The following PCDH15 variants were observed in gnomAD, a reference collection of about 807,000 sequenced individuals.
PCDH15 encodes the protein protocadherin-15.
PCDH15 carries 129 observed loss-of-function variants against 178.5 expected under a neutral mutation model. The observed-to-expected ratio is 0.72, with a 90% CI of 0.63 to 0.84. The LOEUF (loss-of-function observed/expected upper bound fraction) is 0.84. PCDH15 is among the 40% of genes least tolerant of loss of function. The pLI, the probability that PCDH15 is intolerant of heterozygous loss-of-function variation, is 0.00. For missense variants in PCDH15, 2,230 were observed against 2,099.9 expected, an observed-to-expected ratio of 1.06 and a Z score of -1.21; for synonymous variants, 800 against 732.0, an observed-to-expected ratio of 1.09 and a Z score of -1.50.
chr10:55,518,631 T>A (rs1000860364), intron 2 of PCDH15, among the ~76,000 whole-genome samples: 1 of 151,920 alleles, frequency 6.6e-6, no homozygotes, highest in Non-Finnish European at 1.5e-5. Flanking sequence ...TGCCTTTCCC[T>A]TCAGATGCAC....
At chr10:55,595,923 C>T (rs1170135162) in intron 2 of PCDH15, among the ~76,000 whole-genome samples, 8 of 151,952 alleles carry the variant, frequency 5.3e-5, no homozygotes, top group African/African-American at 1.9e-4. Flanking sequence ...CATTTAAGAA[C>T]GTCTAATAAT....
chr10:55,258,322 T>C (rs1305178423), intron 1 of PCDH15, among the ~76,000 whole-genome samples: 1 of 152,184 alleles, frequency 6.6e-6, no homozygotes, highest in Non-Finnish European at 1.5e-5. Context: ...TAGGTAAGTA[T>C]TAATTAACTC....
At chr10:55,442,499 ATG>A (rs1839220408) in intron 2 of PCDH15, among the ~76,000 whole-genome samples, 1 of 130,472 alleles carries the variant, frequency 7.7e-6, no homozygotes, top group African/African-American at 3.0e-5. Flanking sequence ...ATATATATAT[ATG>A]TAAGCTGGGG....
At chr10:55,443,510 C>T (rs374846619) in intron 2 of PCDH15, among the ~76,000 whole-genome samples, 29 of 152,156 alleles carry the variant, frequency 1.9e-4, no homozygotes, top group African/African-American at 2.6e-4. Flanking sequence ...GACATTATTG[C>T]GGCCAAAAAC....
intron 9 of PCDH15, among the ~76,000 whole-genome samples, chr10:54,219,592 CAAA>C (rs763785938): frequency 3.1e-5 from 1 of 32,394 alleles, no homozygotes. Context: ...GACTCCATCT[CAAA>C]AAAAAAAAAA....
At chr10:55,049,292 T>G (rs1478691048) in intron 2 of PCDH15, among the ~76,000 whole-genome samples, 1 of 151,954 alleles carries the variant, frequency 6.6e-6, no homozygotes, top group Non-Finnish European at 1.5e-5. Flanking sequence ...TTTGTGTATG[T>G]CACTTTCTTG....
intron 1 of PCDH15, among the ~76,000 whole-genome samples, chr10:54,797,945 T>G (rs1027972381): frequency 6.6e-6 from 1 of 152,010 alleles, no homozygotes; most frequent in African/African-American, 2.4e-5. Flanking sequence ...AAGGTCAAGC[T>G]AGTCGCTCTC....
At chr10:54,608,131 G>A (rs754190822) in intron 2 of PCDH15, among the ~76,000 whole-genome samples, 5 of 151,608 alleles carry the variant, frequency 3.3e-5, no homozygotes, top group South Asian at 2.1e-4. Flanking sequence ...GGGGATTTCC[G>A]AGCAAAAAAA....
intron 8 of PCDH15, among the ~76,000 whole-genome samples, chr10:54,269,632 T>C (rs2057921263): frequency 6.6e-6 from 1 of 151,970 alleles, no homozygotes; most frequent in Non-Finnish European, 1.5e-5. Flanking sequence ...ACAAATTCAA[T>C]TTTAAAGTTC....
At chr10:53,992,585 C>A (rs2091597092) in intron 21 of PCDH15, among the ~76,000 whole-genome samples, 1 of 152,184 alleles carries the variant, frequency 6.6e-6, no homozygotes, top group Admixed American at 6.5e-5. Context: ...CACAATTTAA[C>A]CCTGTTCCCC....
Position 54,007,558 on chromosome 10 carries a change from T to A in PCDH15, c.2752-11793A>T, listed in dbSNP as rs572642424. Reference sequence around the variant, plus strand: ...TAAAATCTTTTCAAGAAAAAATGTATGTTATTTGTTTGATCATCACAGGTT... The same window carrying A: ...TAAAATCTTTTCAAGAAAAAATGTAAGTTATTTGTTTGATCATCACAGGTT... On this transcript the variant is annotated intron_variant, in intron 20 of 37. Coordinates refer to ENST00000644397, the MANE Select transcript of PCDH15 (RefSeq NM_001384140.1). Among the ~76,000 whole-genome samples the A allele has an allele frequency of 3.9e-5, 6 of 152,268 alleles. No individual in the cohort carries two copies. The East Asian group carries it at 1.2e-3, about 29-fold the overall frequency.
intron 2 of PCDH15, among the ~76,000 whole-genome samples, chr10:55,325,796 A>T (rs1014527281): frequency 6.6e-6 from 1 of 152,108 alleles, no homozygotes; most frequent in Non-Finnish European, 1.5e-5. Flanking sequence ...TCAACAGACT[A>T]AACAGACAAC....
At chr10:54,594,352 G>T (rs1473530741) in intron 2 of PCDH15, among the ~76,000 whole-genome samples, 2 of 152,120 alleles carry the variant, frequency 1.3e-5, no homozygotes, top group African/African-American at 4.8e-5. Context: ...TAAGGAAAGG[G>T]GTGAACGTAG....
At chr10:53,964,684 T>C (rs944666350) in intron 21 of PCDH15, among the ~76,000 whole-genome samples, 15 of 152,096 alleles carry the variant, frequency 9.9e-5, no homozygotes, top group Admixed American at 6.6e-4. Context: ...TCTGGGATAA[T>C]ATTTTTATAT....
At chr10:54,022,005 C>T (rs539002305) in intron 19 of PCDH15, among the ~76,000 whole-genome samples, 2 of 152,044 alleles carry the variant, frequency 1.3e-5, no homozygotes, top group Admixed American at 1.3e-4. Flanking sequence ...CAGTATTTGC[C>T]TTATTTAGAT....
chr10:55,119,163 CAG>C (rs1837702194), intron 2 of PCDH15, among the ~76,000 whole-genome samples: 1 of 152,114 alleles, frequency 6.6e-6, no homozygotes, highest in African/African-American at 2.4e-5. Context: ...AAAAACAAGA[CAG>C]AAGTCTCAAT....
intron 2 of PCDH15, among the ~76,000 whole-genome samples, chr10:54,612,954 T>C (rs1460722177): frequency 6.6e-6 from 1 of 151,828 alleles, no homozygotes; most frequent in African/African-American, 2.4e-5. Context: ...AATGAAACTC[T>C]AGCTCTTTAT....
upstream of PCDH15, among the ~76,000 whole-genome samples, chr10:54,804,938 T>TATATATATATATAG (rs1328208893): frequency 7.9e-6 from 1 of 126,424 alleles, no homozygotes; most frequent in Admixed American, 8.2e-5. Context: ...TATATATATA[T>TATATATATATATAG]ATATATATAT....
intron 2 of PCDH15, among the ~76,000 whole-genome samples, chr10:55,575,335 T>C (rs867596049): frequency 2.0e-5 from 3 of 152,124 alleles, no homozygotes; most frequent in Admixed American, 6.6e-5. Context: ...AATGTTTTCA[T>C]AGAAAACCGT....
Sources: allele counts gnomAD v4.1 joint callset (sites outside exome capture counted in the v4.1 genomes callset), GRCh38; gene constraint gnomAD v4.1.1; transcripts MANE v1.5; gene names NCBI Gene and HGNC (gene_info 2026-07-23, HGNC 2026-07-21).